The following SKOR2 variants were observed in gnomAD, a reference collection of about 807,000 sequenced individuals.
SKOR2 encodes LBX1 corepressor 1-like protein.
SKOR2 carries 47 observed loss-of-function variants against 69.1 expected under a neutral mutation model. That is an observed-to-expected ratio of 0.68 (90% confidence interval 0.54 to 0.87). SKOR2 has a LOEUF of 0.87. SKOR2 is among the 40% of genes least tolerant of loss of function. The probability of loss-of-function intolerance (pLI) is 0.00; values close to 1 mark genes in which losing one functional copy is unlikely to be tolerated. For synonymous variants in SKOR2, 717 were observed against 672.6 expected (o/e 1.07, Z -1.02); for missense variants, 1,404 against 1,472.2 (o/e 0.95, Z 0.76).
intron 4 of SKOR2, among the ~76,000 whole-genome samples, chr18:47,234,970 C>A (rs1348388039): frequency 1.3e-5 from 2 of 151,860 alleles, no homozygotes; most frequent in African/African-American, 2.4e-5. Context: ...GGAAGCCCAG[C>A]CTCAAACATA....
At chr18:47,230,417 AT>A (rs1325664314) in intron 6 of SKOR2, 41 bp downstream of exon 6, 13 of 1,153,604 alleles carry the variant, frequency 1.1e-5, no homozygotes, top group Non-Finnish European at 1.4e-5. Flanking sequence ...TAGAAACGTA[AT>A]CAATTATCAT....
chr18:47,228,178 C>G (rs531940046), intron 6 of SKOR2, among the ~76,000 whole-genome samples: 44 of 152,330 alleles, frequency 2.9e-4, no homozygotes, highest in African/African-American at 1.1e-3. Context: ...TATTTTCATC[C>G]GTGTGAAATT....
chr18:47,206,573 C>A lies in SKOR2; in HGVS notation c.*323G>T, dbSNP rs1275107421. On this transcript the variant is annotated 3_prime_UTR_variant, in exon 9 of 9. Coordinates refer to ENST00000425639, the MANE Select transcript of SKOR2 (RefSeq NM_001278063.4). The stretch of plus-strand genomic sequence containing the variant: ...ACCATCCGCTGATTTCCCATCCCAA[C>A]TGGCTAACAGCACTTCCCATGCTCT... 1.3e-5 allele frequency: 2 copies of A among 152,306 alleles called. No homozygotes were observed. The highest frequency in any genetic ancestry group is 2.4e-5 in the African/African-American group (1 of 41,452). The allele number at this position is 152,306 out of a possible 1,614,324, so 9.4% of individuals were successfully genotyped here. A position where few individuals can be genotyped will look rare whatever the true frequency, so the allele number is the denominator to read the frequency against.
At chr18:47,242,188 G>A (rs945181629) in intron 4 of SKOR2, among the ~76,000 whole-genome samples, 6 of 152,196 alleles carry the variant, frequency 3.9e-5, no homozygotes, top group African/African-American at 1.4e-4. Flanking sequence ...CCCTCTTAAA[G>A]CCAGGAATTT....
At chr18:47,229,741 CT>C (rs1250554198) in intron 6 of SKOR2, among the ~76,000 whole-genome samples, 10 of 152,134 alleles carry the variant, frequency 6.6e-5, no homozygotes, top group Non-Finnish European at 1.5e-4. Flanking sequence ...GTCCGGAAAG[CT>C]TGAAAAACAC....
intron 2 of SKOR2, 63 bp from the exon 3 acceptor site, chr18:47,245,624 C>T: frequency 7.1e-7 from 1 of 1,408,784 alleles, no homozygotes. Context: ...CTAATGTCAA[C>T]AGTCAGCAGG....
At chr18:47,232,004 G>T (rs920251055) in intron 4 of SKOR2, among the ~76,000 whole-genome samples, 1 of 151,912 alleles carries the variant, frequency 6.6e-6, no homozygotes, top group Non-Finnish European at 1.5e-5. Flanking sequence ...GCTGAATGTG[G>T]TGATGTGCAC....
rs564501538 is a variant in SKOR2, at chr18:47,223,461, G to T, written c.2918-3451C>A. Among the ~76,000 whole-genome samples the T allele has an allele frequency of 7.2e-5, 11 of 152,250 alleles. No individual in the cohort carries two copies. In the South Asian group the frequency reaches 2.1e-3, roughly 29 times the overall value. On this transcript the variant is annotated intron_variant, in intron 6 of 8. Transcript: ENST00000425639. Reference sequence around the variant, plus strand: ...AATTATATGTTAAGACTTTTAAAAAGTTCATACCCTTTAACACAACAACAC... The same window carrying T: ...AATTATATGTTAAGACTTTTAAAAATTTCATACCCTTTAACACAACAACAC...
chr18:47,236,333 T>G (rs578027604), intron 4 of SKOR2, among the ~76,000 whole-genome samples: 29 of 152,216 alleles, frequency 1.9e-4, no homozygotes, highest in Non-Finnish European at 4.1e-4. Flanking sequence ...TTTTCACATC[T>G]GCTGCCTACA....
chr18:47,233,372 C>T (rs1010361044), intron 4 of SKOR2, among the ~76,000 whole-genome samples: 3 of 152,144 alleles, frequency 2.0e-5, no homozygotes, highest in Admixed American at 6.5e-5. Context: ...TAGAAAAACA[C>T]TGTTATCTAA....
At chr18:47,213,377 A>C (rs929313463) in intron 7 of SKOR2, among the ~76,000 whole-genome samples, 1 of 147,662 alleles carries the variant, frequency 6.8e-6, no homozygotes. Context: ...ATATTTATTT[A>C]TATATATATT....
At chr18:47,217,793 C>T (rs779784232) in intron 7 of SKOR2, among the ~76,000 whole-genome samples, 14 of 148,996 alleles carry the variant, frequency 9.4e-5, no homozygotes, top group Non-Finnish European at 1.5e-4. Context: ...CATGTTGTTA[C>T]CCTGGAAGCA....
rs2064302139 is a variant in SKOR2 at position 47,249,197 on chromosome 18, C to A, written c.-14G>T. 3 of 1,531,338 alleles carry A rather than the reference C, an allele frequency of 2.0e-6. No individual in the cohort carries two copies. The highest frequency in any genetic ancestry group is 1.4e-5 in the African/African-American group (1 of 72,970). 94.9% of individuals were successfully genotyped at this position (1,531,338 alleles called of 1,614,324 possible). On this transcript the variant is annotated 5_prime_UTR_variant, in exon 2 of 9. Transcript: ENST00000425639. ...ACTGGAAGCCATCTCCGCCGCAGAA[C>A]CCCGGGCCGAGCCCTACAGGTCTGC... is the stretch of plus-strand genomic sequence containing the variant.
chr18:47,230,108 A>G (rs1055546549), intron 6 of SKOR2, among the ~76,000 whole-genome samples: 4 of 152,112 alleles, frequency 2.6e-5, no homozygotes, highest in Non-Finnish European at 5.9e-5. Flanking sequence ...TAGAGAATGT[A>G]AATACAAAGT....
At chr18:47,221,024 C>A (rs2064159626) in intron 6 of SKOR2, among the ~76,000 whole-genome samples, 1 of 152,178 alleles carries the variant, frequency 6.6e-6, no homozygotes, top group African/African-American at 2.4e-5. Context: ...CCACCTGCCA[C>A]CAGTCCCTTT....
Position 47,247,196 on chromosome 18 carries a change from TGGTGGTGAG to T in SKOR2, c.1979_1987del (p.Pro660_His662del). ...CTGCGGGGGGTGGTGGTGGTGGTGG[TGGTGGTGAG>T]GGTGGTGATGGTGGTGGGGATGCGT... is the stretch of plus-strand genomic sequence containing the variant. On this transcript the variant is annotated inframe_deletion, in exon 2 of 9. Coordinates refer to ENST00000425639, the MANE Select transcript of SKOR2 (RefSeq NM_001278063.4). This position sits in a 1 kb window ranked among gnomAD's most constrained non-coding sequence, Gnocchi z 6.6. The T allele has an allele frequency of 7.4e-7, 1 of 1,355,380 alleles. No homozygotes were observed. The highest frequency in any genetic ancestry group is 3.1e-5 in the East Asian group (1 of 32,068). The allele number at this position is 1,355,380 out of a possible 1,614,324, so 84.0% of individuals were successfully genotyped here. A position where few individuals can be genotyped will look rare whatever the true frequency, so the allele number is the denominator to read the frequency against.
chr18:47,239,914 T>C (rs1444643888), intron 4 of SKOR2, among the ~76,000 whole-genome samples: 1 of 152,186 alleles, frequency 6.6e-6, no homozygotes, highest in East Asian at 1.9e-4. Flanking sequence ...TGTCACCTAG[T>C]GAGGGAATTA....
chr18:47,247,425 C>T lies in SKOR2; in HGVS notation c.1759G>A (p.Ala587Thr). Reference protein sequence around the residue: ...ADSVAAAGAGAAAAGSGPAGS... With the variant: ...ADSVAAAGAGTAAAGSGPAGS... ...GCGGGGCCAGACCCGGCGGCCGCGG[C>T]CCCTGCCCCGGCAGCTGCCACAGAG... The change falls in exon 2 of 9, where the codon GCC becomes ACC. Residue 587 changes from alanine (A) to threonine (T), a missense_variant. By Grantham distance (58) the Ala-to-Thr change is moderately conservative. Around this residue, in one of 3 missense-constraint regions of SKOR2, gnomAD observed 1,266 missense variants for 1,309.9 expected, o/e 0.97. Coordinates refer to ENST00000425639, the MANE Select transcript of SKOR2 (RefSeq NM_001278063.4). The surrounding 1 kb of genome is among the most constrained non-coding windows in gnomAD (Gnocchi z 6.6). 1 of 1,288,024 alleles carries T rather than the reference C, an allele frequency of 7.8e-7. No individual in the cohort carries two copies. Among genetic ancestry groups the T allele is most frequent in the Non-Finnish European group, 9.8e-7 (1 of 1,020,158 alleles). 79.8% of individuals were successfully genotyped at this position (1,288,024 alleles called of 1,614,324 possible). A position where few individuals can be genotyped will look rare whatever the true frequency, so the allele number is the denominator to read the frequency against.
intron 4 of SKOR2, among the ~76,000 whole-genome samples, chr18:47,235,912 C>T (rs917834255): frequency 3.3e-5 from 5 of 152,080 alleles, no homozygotes; most frequent in African/African-American, 1.2e-4. Flanking sequence ...CTATGGTCTC[C>T]ATCAAAGACT....
Sources: gnomAD v4.1 joint callset for allele counts (sites outside exome capture counted in the v4.1 genomes callset) on GRCh38, gnomAD v4.1.1 for gene constraint, gnomAD v4.1.1 regional missense constraint, Gnocchi (gnomAD v3.1) non-coding constraint, MANE v1.5 for transcripts, NCBI Gene and HGNC (gene_info 2026-07-23, HGNC 2026-07-21) for gene names.